Variants in CAMTA1 observed in about 807,000 individuals in gnomAD.
The protein encoded by CAMTA1 is calmodulin binding transcription activator 1.
Under a neutral mutation model 170.9 loss-of-function variants are expected in CAMTA1, and 27 were observed. The ratio of observed to expected loss-of-function variants is 0.16; its 90% CI spans 0.12 to 0.22. CAMTA1 has a LOEUF of 0.22. Ranked by LOEUF, CAMTA1 falls within the 10% of genes least tolerant of loss-of-function variation. The probability of loss-of-function intolerance (pLI) is 1.00; values close to 1 mark genes in which losing one functional copy is unlikely to be tolerated. For missense variants in CAMTA1, 1,619 were observed against 2,217.2 expected (o/e 0.73, Z 5.42); for synonymous variants, 833 against 891.5 (o/e 0.93, Z 1.17).
chr1:7,099,992 CT>C (rs1642533974), intron 4 of CAMTA1, among the ~76,000 whole-genome samples: 2 of 152,214 alleles, frequency 1.3e-5, no homozygotes, highest in South Asian at 4.1e-4. Flanking sequence ...TGCCTGTCTG[CT>C]CAGTGTAGAC....
In CAMTA1 at chr1:7,534,109, G is replaced by A. The variant is rs554571585; in HGVS notation, c.510+66208G>A. 1.3e-5 allele frequency among the ~76,000 whole-genome samples: 2 copies of A among 152,040 alleles called. No homozygotes were observed. Among genetic ancestry groups the A allele is most frequent in the South Asian group, 2.1e-4 (1 of 4,820 alleles). ...GACTCCTGAGGCCCCTCCCATCACC[G>A]GTCACCCCGCCCGCCAGGCCCCTGG... is the stretch of plus-strand genomic sequence containing the variant. On this transcript the variant is annotated intron_variant, in intron 6 of 22. Coordinates refer to ENST00000303635, the MANE Select transcript of CAMTA1 (RefSeq NM_015215.4). This position sits in a 1 kb window ranked among gnomAD's most constrained non-coding sequence, Gnocchi z 5.6.
chr1:7,705,879 A>G (rs1339923071), intron 11 of CAMTA1, among the ~76,000 whole-genome samples: 3 of 152,150 alleles, frequency 2.0e-5, no homozygotes, highest in Non-Finnish European at 4.4e-5. Context: ...GCGACCAGAG[A>G]GCACTTTCCA....
At chr1:7,746,224 C>G (rs545336169) in intron 18 of CAMTA1, 133 bp downstream of exon 18, 1 of 992,872 alleles carries the variant, frequency 1.0e-6, no homozygotes, top group Non-Finnish European at 1.5e-6. Flanking sequence ...TTTTGGAAGT[C>G]TCCAATTTAT....
At chr1:6,806,718 TA>T (rs963954278) in intron 1 of CAMTA1, among the ~76,000 whole-genome samples, 5 of 152,078 alleles carry the variant, frequency 3.3e-5, no homozygotes, top group East Asian at 3.9e-4. Context: ...TTGCATGTTT[TA>T]AAAAAAATGT....
intron 3 of CAMTA1, among the ~76,000 whole-genome samples, chr1:6,899,476 T>G (rs1676383959): frequency 6.6e-6 from 1 of 152,156 alleles, no homozygotes; most frequent in Non-Finnish European, 1.5e-5. Context: ...TGCCTTGCAT[T>G]TGATGGAATG....
At chr1:7,640,639 C>G in intron 7 of CAMTA1, 86 bp downstream of exon 7, 1 of 1,504,652 alleles carries the variant, frequency 6.6e-7, no homozygotes, top group Non-Finnish European at 9.2e-7. Context: ...CCTCTGTGGC[C>G]TTGGGGATGC....
chr1:7,277,774 CT>C (rs57789453), intron 5 of CAMTA1, among the ~76,000 whole-genome samples: 20 of 148,486 alleles, frequency 1.3e-4, no homozygotes, highest in African/African-American at 4.2e-4. Flanking sequence ...CATACACACA[CT>C]TTTTTTTTTT....
chr1:6,820,630 G>C (rs1646378317), intron 2 of CAMTA1, among the ~76,000 whole-genome samples: 1 of 152,236 alleles, frequency 6.6e-6, no homozygotes, highest in African/African-American at 2.4e-5. Flanking sequence ...GAGCCACTCA[G>C]CAGCTGTGGA....
chr1:7,182,475 C>CA (rs1306870850), intron 4 of CAMTA1, among the ~76,000 whole-genome samples: 1 of 144,902 alleles, frequency 6.9e-6, no homozygotes, highest in Non-Finnish European at 1.5e-5. Flanking sequence ...GCCTGGGTGA[C>CA]AGAGTGAACA....
chr1:7,043,166 G>C (rs534925220), intron 3 of CAMTA1, among the ~76,000 whole-genome samples: 1 of 152,300 alleles, frequency 6.6e-6, no homozygotes, highest in East Asian at 1.9e-4. Flanking sequence ...ACAGGCCTCT[G>C]GGCAGGCTTG....
intron 6 of CAMTA1, among the ~76,000 whole-genome samples, chr1:7,474,893 G>A (rs2093395501): frequency 6.6e-6 from 1 of 152,188 alleles, no homozygotes; most frequent in Non-Finnish European, 1.5e-5. Context: ...ACCATGCCCT[G>A]CAGCCCTCAG....
At chr1:7,415,656 T>C (rs151270008) in intron 5 of CAMTA1, among the ~76,000 whole-genome samples, 10,905 of 152,210 alleles carry the variant, frequency 0.072, 1,038 homozygotes, top group African/African-American at 0.22. Context: ...TGTGTGTTTC[T>C]GCACATGAGA....
intron 4 of CAMTA1, among the ~76,000 whole-genome samples, chr1:7,114,546 G>A (rs1207673561): frequency 6.6e-6 from 1 of 152,232 alleles, no homozygotes; most frequent in Non-Finnish European, 1.5e-5. Context: ...TGGGCTGCAT[G>A]TGGCCTGTGG....
intron 6 of CAMTA1, among the ~76,000 whole-genome samples, chr1:7,487,690 A>T (rs1166427389): frequency 1.3e-5 from 2 of 152,198 alleles, no homozygotes; most frequent in African/African-American, 4.8e-5. Context: ...GCAGGTGCTC[A>T]GTTCTTGACT....
chr1:7,435,503 C>G lies in CAMTA1; in HGVS notation c.439-32327C>G, dbSNP rs1214581780. On this transcript the variant is annotated intron_variant, in intron 5 of 22. Coordinates refer to ENST00000303635, the MANE Select transcript of CAMTA1 (RefSeq NM_015215.4). This position sits in a 1 kb window ranked among gnomAD's most constrained non-coding sequence, Gnocchi z 4.4. ...GGTTTGTTGAGGGTTGGGTCATCAT[C>G]CCCTCTGTTACCCTGAAGAGAGCAA... Among the ~76,000 whole-genome samples the G allele has an allele frequency of 2.0e-5, 3 of 152,190 alleles. No homozygotes were observed. Among genetic ancestry groups the G allele is most frequent in the Non-Finnish European group, 4.4e-5 (3 of 68,032 alleles).
At chr1:6,834,156 T>A (rs375607676) in intron 3 of CAMTA1, among the ~76,000 whole-genome samples, 4,026 of 147,470 alleles carry the variant, frequency 0.027, 147 homozygotes, top group African/African-American at 0.082. Flanking sequence ...TTTGATTAAT[T>A]TTTTTTTTTT....
chr1:7,006,301 A>G (rs894050727), intron 3 of CAMTA1, among the ~76,000 whole-genome samples: 2 of 152,208 alleles, frequency 1.3e-5, no homozygotes, highest in African/African-American at 2.4e-5. Flanking sequence ...TCCCCATTAA[A>G]AACTAATATA....
rs991097090 is a variant in CAMTA1, at chr1:7,103,556, CACAT to C, written c.302+12189_302+12192del. On this transcript the variant is annotated intron_variant, in intron 4 of 22. Transcript: ENST00000303635. ...CAACTACACACATGTACACACTACACACATACACACAACACAACTACACACATGT... is the reference window on the plus strand; with the variant it reads ...CAACTACACACATGTACACACTACACACACACAACACAACTACACACATGT... 1.5e-3 allele frequency among the ~76,000 whole-genome samples: 47 copies of C among 32,342 alleles called. 1 individual carries two copies. The highest frequency in any genetic ancestry group is 9.0e-3 in the African/African-American group (43 of 4,780). The allele number at this position is 32,342 out of a possible 152,430, so 21.2% of individuals were successfully genotyped here. A position where few individuals can be genotyped will look rare whatever the true frequency, so the allele number is the denominator to read the frequency against.
intron 3 of CAMTA1, among the ~76,000 whole-genome samples, chr1:7,055,136 C>T (rs1388633381): frequency 2.0e-5 from 3 of 152,318 alleles, no homozygotes; most frequent in African/African-American, 7.2e-5. Flanking sequence ...CAGACCCCAC[C>T]TCTAACACCA....
Sources: gnomAD v4.1 joint callset for allele counts (sites outside exome capture counted in the v4.1 genomes callset) on GRCh38, gnomAD v4.1.1 for gene constraint, Gnocchi (gnomAD v3.1) non-coding constraint, MANE v1.5 for transcripts, NCBI Gene and HGNC (gene_info 2026-07-23, HGNC 2026-07-21) for gene names.